Variants in YWHAG observed in about 807,000 individuals in gnomAD.
YWHAG encodes the protein 14-3-3 protein gamma.
A neutral mutation model predicts 23.3 loss-of-function variants in YWHAG; 1 was observed. The observed-to-expected ratio is 0.04, with a 90% CI of 0.02 to 0.20. YWHAG has a LOEUF of 0.20. Among genes scored for constraint, YWHAG ranks in the 10% least tolerant of loss-of-function variants. The pLI is 1.00. For missense variants in YWHAG, 151 were observed against 338.6 expected, an observed-to-expected ratio of 0.45 and a Z score of 4.35; for synonymous variants, 160 against 144.0, an observed-to-expected ratio of 1.11 and a Z score of -0.80.
At chr7:76,354,059 A>AG (rs1281001696) in intron 1 of YWHAG, among the ~76,000 whole-genome samples, 2 of 77,044 alleles carry the variant, frequency 2.6e-5, no homozygotes, top group African/African-American at 1.4e-4. Flanking sequence ...ACCTTGCCTC[A>AG]AAAAAAAAAA....
intron 1 of YWHAG, among the ~76,000 whole-genome samples, chr7:76,346,881 A>C (rs1803786313): frequency 1.3e-5 from 2 of 151,864 alleles, no homozygotes; most frequent in African/African-American, 2.4e-5. Context: ...ACCTCTTTCA[A>C]CTCATTTCCT....
At chr7:76,331,574 A>G (rs1803542950) in intron 1 of YWHAG, among the ~76,000 whole-genome samples, 1 of 151,004 alleles carries the variant, frequency 6.6e-6, no homozygotes, top group Non-Finnish European at 1.5e-5. Context: ...TTAGCTCATC[A>G]ACTATTGTTA....
chr7:76,341,819 G>A (rs1803698114), intron 1 of YWHAG, among the ~76,000 whole-genome samples: 1 of 152,154 alleles, frequency 6.6e-6, no homozygotes, highest in African/African-American at 2.4e-5. Flanking sequence ...TGATGGTTAT[G>A]CAAGTCTGAA....
chr7:76,334,234 TTAAAA>T (rs1271989254), intron 1 of YWHAG, among the ~76,000 whole-genome samples: 9 of 152,112 alleles, frequency 5.9e-5, no homozygotes, highest in Non-Finnish European at 1.0e-4. Context: ...TATTTTTAAA[TTAAAA>T]TAAGAGATCC....
intron 1 of YWHAG, among the ~76,000 whole-genome samples, chr7:76,346,263 T>G (rs139568217): frequency 3.3e-4 from 50 of 152,292 alleles, no homozygotes; most frequent in African/African-American, 1.1e-3. Flanking sequence ...CTCGTTCCAG[T>G]CACTACTTAA....
chr7:76,335,278 G>A (rs1259647132), intron 1 of YWHAG, among the ~76,000 whole-genome samples: 2 of 152,054 alleles, frequency 1.3e-5, no homozygotes, highest in Non-Finnish European at 2.9e-5. Flanking sequence ...GGATGGTCTT[G>A]ATCTCCTGAC....
chr7:76,335,662 T>C (rs1163276360), intron 1 of YWHAG, among the ~76,000 whole-genome samples: 1 of 152,082 alleles, frequency 6.6e-6, no homozygotes, highest in African/African-American at 2.4e-5. Flanking sequence ...TACATTGTAA[T>C]GGTAGGGACC....
chr7:76,351,141 T>C (rs552522182), intron 1 of YWHAG, among the ~76,000 whole-genome samples: 1 of 151,828 alleles, frequency 6.6e-6, no homozygotes, highest in African/African-American at 2.4e-5. Context: ...TTCTTGTCAT[T>C]TCCCCCCGAA....
Position 76,329,489 on chromosome 7 carries a change from T to TACCAA in YWHAG, c.*87_*88insTTGGT. 16 of 1,024,218 alleles carry TACCAA rather than the reference T, an allele frequency of 1.6e-5. No individual in the cohort carries two copies. The highest frequency in any genetic ancestry group is 3.5e-5 in the East Asian group (1 of 28,686). 63.4% of individuals were successfully genotyped at this position (1,024,218 alleles called of 1,614,324 possible). A position where few individuals can be genotyped will look rare whatever the true frequency, so the allele number is the denominator to read the frequency against. ...TCCCTGGGAAGGTCATCCCTCCCTT[T>TACCAA]CCCTCCCCCACCCGACCCCCAACTC... is the stretch of plus-strand genomic sequence containing the variant. On this transcript the variant is annotated 3_prime_UTR_variant, in exon 2 of 2. Transcript: ENST00000307630. This position sits in a 1 kb window ranked among gnomAD's most constrained non-coding sequence, Gnocchi z 6.1.
In YWHAG at chr7:76,356,843, C is replaced by A. The variant is rs80155459; in HGVS notation, c.87+1879G>T. ...GATATCCTTATTTTTTGGACTAATT[C>A]TCATCTAGTGGAATATGAAGTGCTC... is the stretch of plus-strand genomic sequence containing the variant. On this transcript the variant is annotated intron_variant, in intron 1 of 1. Transcript: ENST00000307630. Among the ~76,000 whole-genome samples the A allele has an allele frequency of 3.9e-5, 6 of 152,246 alleles. No individual in the cohort carries two copies. In the East Asian group the frequency reaches 1.2e-3, roughly 29 times the overall value.
chr7:76,351,970 A>G (rs894444149), intron 1 of YWHAG, among the ~76,000 whole-genome samples: 9 of 152,148 alleles, frequency 5.9e-5, no homozygotes, highest in Non-Finnish European at 8.8e-5. Context: ...ACTGCTCTTT[A>G]GCCTACCCAG....
chr7:76,339,505 T>C, intron 1 of YWHAG, among the ~76,000 whole-genome samples: 1 of 152,178 alleles, frequency 6.6e-6, no homozygotes, highest in Middle Eastern at 3.4e-3. Context: ...AATAATAATG[T>C]ATAAAAATGA....
At chr7:76,345,465 C>T (rs112711430) in intron 1 of YWHAG, among the ~76,000 whole-genome samples, 2 of 150,984 alleles carry the variant, frequency 1.3e-5, no homozygotes, top group Non-Finnish European at 3.0e-5. Flanking sequence ...GGATTACAGG[C>T]GTGAGCCACC....
At chr7:76,345,185 CTTTTT>C (rs944242945) in intron 1 of YWHAG, among the ~76,000 whole-genome samples, 1 of 132,264 alleles carries the variant, frequency 7.6e-6, no homozygotes. Flanking sequence ...TATCCTAAGG[CTTTTT>C]TTTTTTTTTT....
intron 1 of YWHAG, among the ~76,000 whole-genome samples, chr7:76,354,932 C>T (rs1432509011): frequency 2.0e-5 from 3 of 152,176 alleles, no homozygotes; most frequent in Non-Finnish European, 2.9e-5. Flanking sequence ...ACAGTACAAA[C>T]GTAGCTAAAG....
At chr7:76,349,369 G>A (rs1024963640) in intron 1 of YWHAG, among the ~76,000 whole-genome samples, 15 of 148,992 alleles carry the variant, frequency 1.0e-4, no homozygotes, top group Admixed American at 5.4e-4. Flanking sequence ...AAAAAGTACC[G>A]TTAAGTTTTC....
Position 76,329,489 on chromosome 7 carries a change from T to TGCCGCCC in YWHAG, c.*87_*88insGGGCGGC. 2 of 1,024,226 alleles carry TGCCGCCC rather than the reference T, an allele frequency of 2.0e-6. No individual in the cohort carries two copies. Among genetic ancestry groups the TGCCGCCC allele is most frequent in the Non-Finnish European group, 2.7e-6 (2 of 740,080 alleles). The allele number at this position is 1,024,226 out of a possible 1,614,324, so 63.4% of individuals were successfully genotyped here. A position where few individuals can be genotyped will look rare whatever the true frequency, so the allele number is the denominator to read the frequency against. On this transcript the variant is annotated 3_prime_UTR_variant, in exon 2 of 2. Transcript: ENST00000307630. This position sits in a 1 kb window ranked among gnomAD's most constrained non-coding sequence, Gnocchi z 6.1. ...TCCCTGGGAAGGTCATCCCTCCCTT[T>TGCCGCCC]CCCTCCCCCACCCGACCCCCAACTC...
intron 1 of YWHAG, among the ~76,000 whole-genome samples, chr7:76,348,198 G>A (rs563220604): frequency 6.6e-6 from 1 of 151,404 alleles, no homozygotes; most frequent in South Asian, 2.1e-4. Context: ...ACAACAGCTG[G>A]TATCCACTTT....
At chr7:76,334,872 C>T (rs969865691) in intron 1 of YWHAG, among the ~76,000 whole-genome samples, 1 of 152,124 alleles carries the variant, frequency 6.6e-6, no homozygotes, top group Non-Finnish European at 1.5e-5. Flanking sequence ...CCTCCCATCA[C>T]ACCCTGGTTA....
Sources: allele counts gnomAD v4.1 joint callset (sites outside exome capture counted in the v4.1 genomes callset), GRCh38; gene constraint gnomAD v4.1.1; non-coding constraint Gnocchi (gnomAD v3.1); transcripts MANE v1.5; gene names NCBI Gene and HGNC (gene_info 2026-07-23, HGNC 2026-07-21).